The following TLL2 variants were observed in gnomAD, a reference collection of about 807,000 sequenced individuals.
TLL2 encodes tolloid like 2.
TLL2 carries 106 observed loss-of-function variants against 123.0 expected under a neutral mutation model. The observed-to-expected ratio is 0.86, with a 90% CI of 0.74 to 1.01. The LOEUF is 1.01. Among genes scored for constraint, TLL2 ranks in the 50% least tolerant of loss-of-function variants. TLL2 has a pLI of 0.00. For missense variants in TLL2, 1,332 were observed against 1,336.7 expected (o/e 1.00, Z 0.06); for synonymous variants, 494 against 516.8 (o/e 0.96, Z 0.60).
chr10:96,446,104 C>T lies in TLL2; in HGVS notation c.351G>A (p.Lys117=), dbSNP rs1846895191. The change falls in exon 3 of 21, where the codon AAG becomes AAA. Residue 117 remains lysine (K), a synonymous_variant. Transcript: ENST00000357947. The part of the protein sequence containing the change: ...PDTTAMDTGT[K]EAGKDGRENT... ...GGCTCACATTACCCTTTCCAGCTTC[C>T]TTGGTGCCAGTGTCCATGGCTGTGG... 3 of 1,614,162 alleles carry T rather than the reference C, an allele frequency of 1.9e-6. No individual in the cohort carries two copies. Among genetic ancestry groups the T allele is most frequent in the Non-Finnish European group, 2.5e-6 (3 of 1,180,016 alleles).
At chr10:96,467,758 A>G (rs115864141) in intron 2 of TLL2, among the ~76,000 whole-genome samples, 2,566 of 152,330 alleles carry the variant, frequency 0.017, 77 homozygotes, top group African/African-American at 0.058. Context: ...AAACAAAAAT[A>G]CATACACAGT....
intron 16 of TLL2, among the ~76,000 whole-genome samples, chr10:96,380,562 G>A (rs893408256): frequency 5.3e-5 from 8 of 151,236 alleles, no homozygotes; most frequent in African/African-American, 1.9e-4. Flanking sequence ...GCGTGGTGGC[G>A]GGCGCCTGTA....
At chr10:96,481,205 G>A (rs992811168) in intron 1 of TLL2, among the ~76,000 whole-genome samples, 20 of 151,958 alleles carry the variant, frequency 1.3e-4, no homozygotes, top group Non-Finnish European at 2.9e-4. Context: ...GGAGTGCAGT[G>A]TCACGATCAT....
chr10:96,441,012 G>T (rs1846845156), intron 3 of TLL2, among the ~76,000 whole-genome samples: 1 of 152,068 alleles, frequency 6.6e-6, no homozygotes, highest in Admixed American at 6.6e-5. Flanking sequence ...CGTCTGACAG[G>T]ATTTAACACG....
At chr10:96,451,935 A>C (rs1205732404) in intron 2 of TLL2, among the ~76,000 whole-genome samples, 1 of 152,242 alleles carries the variant, frequency 6.6e-6, no homozygotes, top group Admixed American at 6.5e-5. Context: ...GCTTTGACCC[A>C]CGAGAGCTAA....
In TLL2 at chr10:96,389,327, C is replaced by A. The variant is rs114205265; in HGVS notation, c.1727-2249G>T. Among the ~76,000 whole-genome samples the A allele has an allele frequency of 4.2e-3, 643 of 152,258 alleles. 7 individuals are homozygous for A. Among genetic ancestry groups the A allele is most frequent in the African/African-American group, 0.015 (614 of 41,530 alleles). On this transcript the variant is annotated intron_variant, in intron 13 of 20. Coordinates refer to ENST00000357947, the MANE Select transcript of TLL2 (RefSeq NM_012465.4). ...CATACAGACCATCGGCACACAGAAG[C>A]CATCATGATAGACAGCAGCAGAGTT...
intron 1 of TLL2, among the ~76,000 whole-genome samples, chr10:96,502,118 T>C (rs1847539504): frequency 6.6e-6 from 1 of 151,952 alleles, no homozygotes; most frequent in Non-Finnish European, 1.5e-5. Flanking sequence ...TCCTGGAGGA[T>C]GAGTCAGAGT....
Position 96,432,787 on chromosome 10 carries a change from C to A in TLL2, c.520+20G>T, listed in dbSNP as rs191455978. On this transcript the variant is annotated intron_variant, in intron 4 of 20. Coordinates refer to ENST00000357947, the MANE Select transcript of TLL2 (RefSeq NM_012465.4). Reference sequence around the variant, plus strand: ...ACAAAGCACCCTGACCCAAAGCAGACCTTGTCTGTGGCTACTGACCAGTGA... The same window carrying A: ...ACAAAGCACCCTGACCCAAAGCAGAACTTGTCTGTGGCTACTGACCAGTGA... 93 of 1,610,398 alleles carry A rather than the reference C, an allele frequency of 5.8e-5. No individual in the cohort carries two copies. In the African/African-American group the frequency reaches 1.1e-3, roughly 20 times the overall value.
chr10:96,480,988 C>T (rs910067059), intron 1 of TLL2, among the ~76,000 whole-genome samples: 1 of 152,082 alleles, frequency 6.6e-6, no homozygotes, highest in African/African-American at 2.4e-5. Flanking sequence ...TTGCCCTGTC[C>T]CAGAAGACAA....
intron 1 of TLL2, among the ~76,000 whole-genome samples, chr10:96,491,431 C>T (rs184235429): frequency 4.6e-5 from 7 of 151,586 alleles, no homozygotes; most frequent in South Asian, 2.1e-4. Flanking sequence ...AGCACATCCA[C>T]GAAAATGCCC....
At chr10:96,490,959 C>T (rs1012611912) in intron 1 of TLL2, among the ~76,000 whole-genome samples, 1 of 152,224 alleles carries the variant, frequency 6.6e-6, no homozygotes, top group African/African-American at 2.4e-5. Flanking sequence ...CTGTTTCCAA[C>T]TATGACCCTG....
intron 19 of TLL2, among the ~76,000 whole-genome samples, chr10:96,371,369 G>A (rs187547843): frequency 2.3e-4 from 35 of 152,100 alleles, no homozygotes; most frequent in Non-Finnish European, 4.7e-4. Context: ...AGATAAGACT[G>A]GTCTAGATTA....
chr10:96,420,760 G>C (rs1388501813), intron 7 of TLL2, among the ~76,000 whole-genome samples, 196 bp downstream of exon 7: 1 of 152,150 alleles, frequency 6.6e-6, no homozygotes, highest in African/African-American at 2.4e-5. Flanking sequence ...GCTTCACAAT[G>C]GGATTCAATC....
chr10:96,405,270 T>C lies in TLL2; in HGVS notation c.1229A>G (p.Glu410Gly). The change falls in exon 10 of 21, where the codon GAG becomes GGG. Residue 410 changes from glutamate (E) to glycine (G), a missense_variant. Glu to Gly is a moderately conservative substitution (Grantham distance 98). Coordinates refer to ENST00000357947, the MANE Select transcript of TLL2 (RefSeq NM_012465.4). ...KSRLCWYDYVEVRDGYWRKAP... is the reference protein window; with the variant it reads ...KSRLCWYDYVGVRDGYWRKAP... Reference sequence around the variant, plus strand: ...TTTTCTCCAGTAACCATCCCGGACCTCCACGTAATCATACCAGCACAGTCG... The same window carrying C: ...TTTTCTCCAGTAACCATCCCGGACCCCCACGTAATCATACCAGCACAGTCG... 6.2e-7 allele frequency: 1 copy of C among 1,614,124 alleles called. No individual in the cohort carries two copies. The highest frequency in any genetic ancestry group is 8.5e-7 in the Non-Finnish European group (1 of 1,180,014).
chr10:96,498,022 T>C (rs1847494733), intron 1 of TLL2, among the ~76,000 whole-genome samples: 2 of 152,202 alleles, frequency 1.3e-5, no homozygotes, highest in Non-Finnish European at 2.9e-5. Flanking sequence ...AGGATGCAGT[T>C]TAGGTCCTAA....
chr10:96,479,586 G>T (rs991786780), intron 2 of TLL2, among the ~76,000 whole-genome samples: 1 of 152,236 alleles, frequency 6.6e-6, no homozygotes, highest in Non-Finnish European at 1.5e-5. Context: ...CTGGTGGGCT[G>T]CAGAGAGCAG....
At chr10:96,473,421 ACT>A (rs1847204262) in intron 2 of TLL2, among the ~76,000 whole-genome samples, 1 of 152,088 alleles carries the variant, frequency 6.6e-6, no homozygotes, top group South Asian at 2.1e-4. Context: ...ACAGAGAGAG[ACT>A]CTGTCTCAAA....
At chr10:96,476,240 A>ATTCTTTT (rs1554939626) in intron 2 of TLL2, among the ~76,000 whole-genome samples, 1 of 20,502 alleles carries the variant, frequency 4.9e-5, no homozygotes, top group African/African-American at 1.7e-4. Context: ...ATATATATAT[A>ATTCTTTT]TTTTATTTTT....
At chr10:96,374,610 T>C (rs1308435269) in intron 18 of TLL2, 1 of 152,228 alleles carries the variant, frequency 6.6e-6, no homozygotes, top group African/African-American at 2.4e-5. Context: ...AACATGCAGA[T>C]GGGGAAAATG....
Sources: allele counts gnomAD v4.1 joint callset (sites outside exome capture counted in the v4.1 genomes callset), GRCh38; gene constraint gnomAD v4.1.1; transcripts MANE v1.5; gene names NCBI Gene and HGNC (gene_info 2026-07-23, HGNC 2026-07-21).